The following LAMA4 variants were observed in gnomAD, a reference collection of about 807,000 sequenced individuals.
The protein encoded by LAMA4 is laminin subunit alpha 4.
Under a neutral mutation model 207.1 loss-of-function variants are expected in LAMA4, and 127 were observed. The observed-to-expected ratio is 0.61, with a 90% CI of 0.53 to 0.71. The LOEUF (loss-of-function observed/expected upper bound fraction) is 0.71, where lower values mean the gene tolerates loss of function less well. Among genes scored for constraint, LAMA4 ranks in the 30% least tolerant of loss-of-function variants. LAMA4 has a pLI of 0.00. For synonymous variants in LAMA4, 761 were observed against 816.0 expected, an observed-to-expected ratio of 0.93 and a Z score of 1.15; for missense variants, 2,093 against 2,246.5, an observed-to-expected ratio of 0.93 and a Z score of 1.38.
intron 3 of LAMA4, among the ~76,000 whole-genome samples, chr6:112,212,513 C>A (rs541566801): frequency 6.6e-6 from 1 of 152,100 alleles, no homozygotes; most frequent in Non-Finnish European, 1.5e-5. Flanking sequence ...CTTGAGCCAC[C>A]GTGCCCGGCC....
chr6:112,123,549 GACAAAATCCCCCCC>G, intron 31 of LAMA4, among the ~76,000 whole-genome samples: 1 of 152,240 alleles, frequency 6.6e-6, no homozygotes, highest in South Asian at 2.1e-4. Context: ...AAGGGCAAAA[GACAAAATCCCCCCC>G]ACAAAAAAAT....
intron 38 of LAMA4, among the ~76,000 whole-genome samples, chr6:112,112,028 A>G (rs1001132749): frequency 3.9e-5 from 6 of 152,246 alleles, no homozygotes; most frequent in South Asian, 2.1e-4. Context: ...CCCAAAGCCT[A>G]GCACAATGCT....
intron 3 of LAMA4, among the ~76,000 whole-genome samples, chr6:112,209,018 G>A (rs1289616088): frequency 1.3e-5 from 2 of 152,134 alleles, no homozygotes; most frequent in Non-Finnish European, 2.9e-5. Context: ...AAGGAAAAGG[G>A]AAAAGCATGG....
intron 33 of LAMA4, among the ~76,000 whole-genome samples, chr6:112,119,910 T>C (rs207467366): frequency 1.3e-5 from 2 of 152,224 alleles, no homozygotes; most frequent in African/African-American, 4.8e-5. Flanking sequence ...TGTGGTATCC[T>C]ATCTTCCTCA....
chr6:112,139,088 G>A, intron 24 of LAMA4, 32 bp downstream of exon 24: 1 of 1,601,960 alleles, frequency 6.2e-7, no homozygotes, highest in South Asian at 1.1e-5. Flanking sequence ...AGGAAATAAA[G>A]GAGAAGTAGT....
At position 112,241,172 on chromosome 6, in the gene LAMA4, A is replaced by AATATATATGAAT. The variant is rs1554187634; in HGVS notation, c.195+12772_195+12783dup. Among the ~76,000 whole-genome samples, 798 of 88,716 alleles carry AATATATATGAAT rather than the reference A, an allele frequency of 9.0e-3. 45 individuals carry two copies. Among genetic ancestry groups the AATATATATGAAT allele is most frequent in the Non-Finnish European group, 0.015 (649 of 43,858 alleles). The allele number at this position is 88,716 out of a possible 152,430, so 58.2% of individuals were successfully genotyped here. ...ATGAATATATATATGAATATATATGAATATATATGAATATATATGAATATA... is the reference window on the plus strand; with the variant it reads ...ATGAATATATATATGAATATATATGAATATATATGAATATATATATGAATATATATGAATATA... On this transcript the variant is annotated intron_variant, in intron 2 of 38. Coordinates refer to ENST00000230538, the MANE Select transcript of LAMA4 (RefSeq NM_001105206.3).
At chr6:112,167,962 C>G (rs1455978409) in intron 12 of LAMA4, among the ~76,000 whole-genome samples, 1 of 151,860 alleles carries the variant, frequency 6.6e-6, no homozygotes, top group Admixed American at 6.6e-5. Flanking sequence ...AATCCCAGCA[C>G]TTTGGGAGGC....
intron 5 of LAMA4, among the ~76,000 whole-genome samples, chr6:112,197,816 ACCTC>A (rs1264892183): frequency 3.3e-5 from 5 of 151,944 alleles, no homozygotes; most frequent in Middle Eastern, 3.4e-3. Context: ...ATGCCACTTG[ACCTC>A]CAATTGTCTG....
chr6:112,250,166 T>A (rs1266835888), intron 2 of LAMA4, among the ~76,000 whole-genome samples: 1 of 152,192 alleles, frequency 6.6e-6, no homozygotes, highest in Non-Finnish European at 1.5e-5. Flanking sequence ...GGAACAGCAA[T>A]GTAGAGTGAT....
chr6:112,175,083 G>A (rs1781943079), intron 11 of LAMA4, among the ~76,000 whole-genome samples: 2 of 152,170 alleles, frequency 1.3e-5, no homozygotes, highest in South Asian at 2.1e-4. Flanking sequence ...ATTCCTTGTG[G>A]CATCTCAGTT....
At chr6:112,193,286 G>A (rs1583853300) in intron 5 of LAMA4, among the ~76,000 whole-genome samples, 1 of 152,118 alleles carries the variant, frequency 6.6e-6, no homozygotes, top group Non-Finnish European at 1.5e-5. Context: ...TCAGGCTGGA[G>A]CAGAGGGATG....
chr6:112,180,914 A>T (rs912146780), intron 9 of LAMA4, among the ~76,000 whole-genome samples: 6 of 152,154 alleles, frequency 3.9e-5, no homozygotes, highest in African/African-American at 1.2e-4. Context: ...TCCAGCCCTG[A>T]TTACCCTCTG....
intron 3 of LAMA4, among the ~76,000 whole-genome samples, chr6:112,211,479 T>G (rs1299025452): frequency 6.6e-6 from 1 of 152,222 alleles, no homozygotes; most frequent in Non-Finnish European, 1.5e-5. Context: ...CAATGAGCCA[T>G]ATCTGTTATT....
At chr6:112,147,902 C>T (rs1233121236) in intron 18 of LAMA4, among the ~76,000 whole-genome samples, 2 of 152,198 alleles carry the variant, frequency 1.3e-5, no homozygotes, top group South Asian at 4.1e-4. Context: ...CATAATTTCA[C>T]ATAGAAAAAA....
chr6:112,233,128 C>G (rs1785668991), intron 2 of LAMA4, among the ~76,000 whole-genome samples: 1 of 152,170 alleles, frequency 6.6e-6, no homozygotes, highest in South Asian at 2.1e-4. Flanking sequence ...AATGAGCAGC[C>G]AGGGACACCG....
intron 6 of LAMA4, 76 bp from the exon 7 acceptor site, chr6:112,189,281 A>G: frequency 1.1e-6 from 1 of 937,996 alleles, no homozygotes; most frequent in Non-Finnish European, 1.7e-6. Context: ...CCTGGTTTCT[A>G]GAAACACTAG....
intron 14 of LAMA4, 124 bp downstream of exon 14, chr6:112,158,608 T>C: frequency 1.0e-6 from 1 of 993,306 alleles, no homozygotes; most frequent in South Asian, 1.3e-5. Context: ...TATCAACACA[T>C]AAGCATACCC....
intron 2 of LAMA4, chr6:112,236,658 T>TA (rs1217703200): frequency 6.6e-6 from 1 of 152,242 alleles, no homozygotes; most frequent in African/African-American, 2.4e-5. Context: ...AGATATGTTA[T>TA]AAGGCAAATT....
chr6:112,130,352 A>T lies in LAMA4; in HGVS notation c.3969-312T>A, dbSNP rs116113421. Among the ~76,000 whole-genome samples the T allele has an allele frequency of 0.011, 1,568 of 149,178 alleles. 24 individuals are homozygous for T. Among genetic ancestry groups the T allele is most frequent in the African/African-American group, 0.035 (1,386 of 40,138 alleles). On this transcript the variant is annotated intron_variant, in intron 29 of 38. Coordinates refer to ENST00000230538, the MANE Select transcript of LAMA4 (RefSeq NM_001105206.3). ...TGTGTGTGTGTATAAAACAGAGCAT[A>T]CCTTATGATGATCACTTAATCACAT...
Sources: allele counts gnomAD v4.1 joint callset (sites outside exome capture counted in the v4.1 genomes callset), GRCh38; gene constraint gnomAD v4.1.1; transcripts MANE v1.5; gene names NCBI Gene and HGNC (gene_info 2026-07-23, HGNC 2026-07-21).